PPP2R1A: variants seen among roughly 807,000 people sequenced by gnomAD.
The protein encoded by PPP2R1A is protein phosphatase 2 scaffold subunit Aalpha, also known as serine/threonine-protein phosphatase 2A 65 kDa regulatory subunit A alpha isoform.
Under a neutral mutation model 67.1 loss-of-function variants are expected in PPP2R1A, and 15 were observed. The ratio of observed to expected loss-of-function variants is 0.22; its 90% CI spans 0.15 to 0.34. The LOEUF (loss-of-function observed/expected upper bound fraction) is 0.34, where lower values mean the gene tolerates loss of function less well. Ranked by LOEUF, PPP2R1A falls within the 10% of genes least tolerant of loss-of-function variation. The pLI is 1.00. For missense variants in PPP2R1A, 369 were observed against 775.0 expected, an observed-to-expected ratio of 0.48 and a Z score of 6.22; for synonymous variants, 337 against 325.0, an observed-to-expected ratio of 1.04 and a Z score of -0.40.
chr19:52,202,070 A>T, intron 2 of PPP2R1A, 36 bp downstream of exon 2: 1 of 1,564,778 alleles, frequency 6.4e-7, no homozygotes, highest in Non-Finnish European at 8.8e-7. Context: ...AGATGTGGGG[A>T]CTCTTGGGAG....
chr19:52,195,604 A>G (rs2089490784), intron 1 of PPP2R1A, among the ~76,000 whole-genome samples: 1 of 152,174 alleles, frequency 6.6e-6, no homozygotes, highest in Non-Finnish European at 1.5e-5. Flanking sequence ...TACCTGCTTC[A>G]AGTTGGAGTT....
chr19:52,225,816 C>A lies in PPP2R1A; in HGVS notation c.1753+8C>A, dbSNP rs375739930. 5.0e-6 allele frequency: 8 copies of A among 1,613,588 alleles called. No individual in the cohort carries two copies. Among genetic ancestry groups the A allele is most frequent in the Non-Finnish European group, 6.8e-6 (8 of 1,179,494 alleles). On this transcript the variant is annotated splice_region_variant and intron_variant, in intron 14 of 14. Coordinates refer to ENST00000322088, the MANE Select transcript of PPP2R1A (RefSeq NM_014225.6). ...CCCAGGAGGCTCTGACTGGTAAGAC[C>A]TAGAAAGCACGGAGCCCTAGCAGGA...
rs754127404 is a variant in PPP2R1A at position 52,221,061 on chromosome 19, C to T, written c.1446C>T (p.Ile482=). ...GGAAGGAGTGGGCCCATGCCACAAT[C>T]ATCCCCAAGGTCTTGGCCATGTCCG... ...KFGKEWAHAT[I]IPKVLAMSGD... The change falls in exon 12 of 15, where the codon ATC becomes ATT. Residue 482 remains isoleucine, a synonymous_variant. Transcript: ENST00000322088. 2 of 1,614,248 alleles carry T rather than the reference C, an allele frequency of 1.2e-6. No individual in the cohort carries two copies. Among genetic ancestry groups the T allele is most frequent in the Admixed American group, 3.3e-5 (2 of 60,036 alleles).
Position 52,226,172 on chromosome 19 carries a change from C to T in PPP2R1A, c.*191C>T. ...GTCTCACTGTCCACCTCCCAACGGG[C>T]TAGGGGAGCACGGGGTTGGACAGGA... is the stretch of plus-strand genomic sequence containing the variant. On this transcript the variant is annotated 3_prime_UTR_variant, in exon 15 of 15. Coordinates refer to ENST00000322088, the MANE Select transcript of PPP2R1A (RefSeq NM_014225.6). 1 of 855,792 alleles carries T rather than the reference C, an allele frequency of 1.2e-6. No homozygotes were observed. 53.0% of individuals were successfully genotyped at this position (855,792 alleles called of 1,614,324 possible). A position where few individuals can be genotyped will look rare whatever the true frequency, so the allele number is the denominator to read the frequency against.
At chr19:52,201,592 G>A (rs893427151) in intron 1 of PPP2R1A, 5 of 231,440 alleles carry the variant, frequency 2.2e-5, no homozygotes, top group Admixed American at 1.4e-4. Flanking sequence ...AAAGTACAGT[G>A]CATTGGCATG....
At chr19:52,195,202 C>T (rs151004755) in intron 1 of PPP2R1A, among the ~76,000 whole-genome samples, 3 of 152,102 alleles carry the variant, frequency 2.0e-5, no homozygotes, top group East Asian at 1.9e-4. Flanking sequence ...AGTGGGAAGG[C>T]GGATTTTATT....
chr19:52,222,306 T>G lies in PPP2R1A; in HGVS notation c.1661+65T>G, dbSNP rs1978987728. The G allele has an allele frequency of 6.4e-6, 10 of 1,552,962 alleles. No individual in the cohort carries two copies. In the South Asian group the frequency reaches 7.3e-5, roughly 11 times the overall value. On this transcript the variant is annotated intron_variant, in intron 13 of 14. Transcript: ENST00000322088. Reference sequence around the variant, plus strand: ...CTTGTGGGCACCTTAATCTTTGACCTTTGAAGGTAGAGCCCAGGGTCAGAG... The same window carrying G: ...CTTGTGGGCACCTTAATCTTTGACCGTTGAAGGTAGAGCCCAGGGTCAGAG...
chr19:52,221,224 CTGGCTTGGGAATGG>C, intron 12 of PPP2R1A, 91 bp downstream of exon 12: 1 of 1,532,420 alleles, frequency 6.5e-7, no homozygotes, highest in Non-Finnish European at 8.9e-7. Context: ...AGGGAGACAC[CTGGCTTGGGAATGG>C]AGACATGGAG....
intron 1 of PPP2R1A, among the ~76,000 whole-genome samples, chr19:52,195,568 A>G (rs149716962): frequency 1.1e-4 from 16 of 152,298 alleles, no homozygotes; most frequent in Non-Finnish European, 2.2e-4. Context: ...TTCAGTTGCC[A>G]TTCTGGGTCG....
intron 2 of PPP2R1A, 33 bp downstream of exon 2, chr19:52,202,067 G>A (rs2089555020): frequency 6.4e-7 from 1 of 1,566,160 alleles, no homozygotes; most frequent in African/African-American, 1.4e-5. Context: ...CCCAGATGTG[G>A]GGACTCTTGG....
intron 12 of PPP2R1A, 76 bp downstream of exon 12, chr19:52,221,209 C>A: frequency 6.4e-7 from 1 of 1,572,832 alleles, no homozygotes; most frequent in South Asian, 1.1e-5. Flanking sequence ...CTAGAGGGTT[C>A]CCCAAGGGAG....
chr19:52,215,547 G>A (rs1600169718), intron 6 of PPP2R1A, among the ~76,000 whole-genome samples: 1 of 152,192 alleles, frequency 6.6e-6, no homozygotes, highest in Non-Finnish European at 1.5e-5. Flanking sequence ...TGACAACACC[G>A]TGAGGTAGGT....
At chr19:52,190,238 C>G (rs1009029994) in intron 1 of PPP2R1A, 64 bp downstream of exon 1, 3 of 1,514,922 alleles carry the variant, frequency 2.0e-6, no homozygotes, top group African/African-American at 2.8e-5. Context: ...GGGCGGCCCT[C>G]GCGGAGAAGA....
chr19:52,216,386 TC>T lies in PPP2R1A; in HGVS notation c.994-139del, dbSNP rs1978573590. The T allele has an allele frequency of 8.8e-7, 1 of 1,131,444 alleles. No individual in the cohort carries two copies. Among genetic ancestry groups the T allele is most frequent in the Non-Finnish European group, 1.2e-6 (1 of 803,416 alleles). 70.1% of individuals were successfully genotyped at this position (1,131,444 alleles called of 1,614,324 possible). ...GTGGTACTCATAAGGAATAGTGATT[TC>T]CCCTGTACCCTAAGCCATCCCCTGC... On this transcript the variant is annotated intron_variant, in intron 8 of 14. Coordinates refer to ENST00000322088, the MANE Select transcript of PPP2R1A (RefSeq NM_014225.6). This position sits in a 1 kb window ranked among gnomAD's most constrained non-coding sequence, Gnocchi z 4.3.
intron 13 of PPP2R1A, 100 bp from the exon 14 acceptor site, chr19:52,225,617 G>C: frequency 9.5e-7 from 1 of 1,057,716 alleles, no homozygotes; most frequent in South Asian, 1.3e-5. Context: ...TGGTGTATCC[G>C]TGTCTGTGTA....
chr19:52,206,848 C>T (rs2089608516), intron 3 of PPP2R1A, among the ~76,000 whole-genome samples: 2 of 152,166 alleles, frequency 1.3e-5, no homozygotes, highest in South Asian at 2.1e-4. Context: ...TGGGCCACTG[C>T]TGCTGCCTCT....
rs1011276624 is a variant in PPP2R1A, at chr19:52,219,324, A to G, written c.1129-367A>G. ...ATAGTTTTCTTCCTTCCCTTCTCCC[A>G]TGTTGTGGATTGATACCCAGAAAGG... is the stretch of plus-strand genomic sequence containing the variant. On this transcript the variant is annotated intron_variant, in intron 9 of 14. Transcript: ENST00000322088. This position sits in a 1 kb window ranked among gnomAD's most constrained non-coding sequence, Gnocchi z 4.0. 2.6e-5 allele frequency among the ~76,000 whole-genome samples: 4 copies of G among 152,140 alleles called. No individual in the cohort carries two copies. Among genetic ancestry groups the G allele is most frequent in the East Asian group, 1.9e-4 (1 of 5,190 alleles).
intron 3 of PPP2R1A, among the ~76,000 whole-genome samples, chr19:52,208,175 G>T (rs377265051): frequency 3.3e-5 from 5 of 152,116 alleles, no homozygotes; most frequent in African/African-American, 9.6e-5. Context: ...TGTTTGTTTT[G>T]TTTTTTTCCC....
chr19:52,193,068 A>G (rs1023910477), intron 1 of PPP2R1A, among the ~76,000 whole-genome samples: 2 of 152,244 alleles, frequency 1.3e-5, no homozygotes, highest in Non-Finnish European at 2.9e-5. Context: ...GGTACAGTAC[A>G]GAGGAATATC....
Sources: allele counts gnomAD v4.1 joint callset (sites outside exome capture counted in the v4.1 genomes callset), GRCh38; gene constraint gnomAD v4.1.1; non-coding constraint Gnocchi (gnomAD v3.1); transcripts MANE v1.5; gene names NCBI Gene and HGNC (gene_info 2026-07-23, HGNC 2026-07-21).